KLF5: variants seen among roughly 807,000 people sequenced by gnomAD.
The protein encoded by KLF5 is Krueppel-like factor 5.
A neutral mutation model predicts 36.9 loss-of-function variants in KLF5; 9 were observed. The observed-to-expected ratio is 0.24, with a 90% CI of 0.15 to 0.43. KLF5 has a LOEUF of 0.43. Among genes scored for constraint, KLF5 ranks in the 20% least tolerant of loss-of-function variants. The pLI, the probability that KLF5 is intolerant of heterozygous loss-of-function variation, is 1.00. For synonymous variants in KLF5, 246 were observed against 241.7 expected, an observed-to-expected ratio of 1.02 and a Z score of -0.17; for missense variants, 524 against 599.5, an observed-to-expected ratio of 0.87 and a Z score of 1.31.
Position 73,062,376 on chromosome 13 carries a change from C to T in KLF5, c.777C>T (p.Ala259=). The T allele has an allele frequency of 6.2e-7, 1 of 1,614,172 alleles. No homozygotes were observed. The highest frequency in any genetic ancestry group is 2.2e-5 in the East Asian group (1 of 44,884). ...MDTLNVSMSA[A]MAGLNTHTSA... is the part of the protein sequence containing the mutation. The stretch of plus-strand genomic sequence containing the variant: ...CTCTTAATGTTTCTATGTCAGCTGC[C>T]ATGGCAGGCCTTAACACACACACCT... Residue 259 remains alanine, a synonymous_variant, in exon 2 of 4, where the codon GCC becomes GCT. Coordinates refer to ENST00000377687, the MANE Select transcript of KLF5 (RefSeq NM_001730.5).
At chr13:73,072,148 G>C (rs1159788652) in intron 3 of KLF5, among the ~76,000 whole-genome samples, 2 of 152,072 alleles carry the variant, frequency 1.3e-5, no homozygotes, top group Non-Finnish European at 2.9e-5. Flanking sequence ...AAAGGCCTTG[G>C]TATGTCTATT....
Position 73,063,808 on chromosome 13 carries a change from T to C in KLF5, c.1136-16T>C. 4.5e-6 allele frequency: 7 copies of C among 1,571,100 alleles called. No individual in the cohort carries two copies. The highest frequency in any genetic ancestry group is 6.1e-6 in the Non-Finnish European group (7 of 1,141,810). ...AAAGGATCTCCAAAATGACATGCTGTTCTCCTTTATTTTAGGTTGCACAAA... is the reference window on the plus strand; with the variant it reads ...AAAGGATCTCCAAAATGACATGCTGCTCTCCTTTATTTTAGGTTGCACAAA... On this transcript the variant is annotated splice_polypyrimidine_tract_variant and intron_variant, in intron 2 of 3. Transcript: ENST00000377687.
chr13:73,075,419 G>T (rs895371423), intron 3 of KLF5, among the ~76,000 whole-genome samples: 2 of 152,090 alleles, frequency 1.3e-5, no homozygotes, highest in Admixed American at 6.6e-5. Flanking sequence ...AAAAATAAGG[G>T]CACTGATTCG....
chr13:73,061,995 C>T lies in KLF5; in HGVS notation c.396C>T (p.Tyr132=), dbSNP rs143426593. ...QFFTDTEGLP[Y]SINMNVFLPD... is the part of the protein sequence containing the mutation. ...TCACTGACACTGAAGGGTTACCTTACAGTATCAACATGAACGTCTTCCTCC... is the reference window on the plus strand; with the variant it reads ...TCACTGACACTGAAGGGTTACCTTATAGTATCAACATGAACGTCTTCCTCC... The change falls in exon 2 of 4, where the codon TAC becomes TAT. Residue 132 remains tyrosine, a synonymous_variant. Coordinates refer to ENST00000377687, the MANE Select transcript of KLF5 (RefSeq NM_001730.5). 1.6e-5 allele frequency: 26 copies of T among 1,614,042 alleles called. No homozygotes were observed. Among genetic ancestry groups the T allele is most frequent in the Non-Finnish European group, 1.9e-5 (23 of 1,180,028 alleles).
chr13:73,070,235 C>T (rs796617006), intron 3 of KLF5, among the ~76,000 whole-genome samples: 17 of 152,042 alleles, frequency 1.1e-4, no homozygotes, highest in African/African-American at 3.6e-4. Context: ...TAAACCTTTA[C>T]GAGTTGGGAG....
rs2044642252 is a variant in KLF5, at chr13:73,062,239, A to G, written c.640A>G (p.Thr214Ala). Reference sequence around the variant, plus strand: ...TATTTTCATCAAACAAGAACTTCCTACACCAGATCTTCATCTTTCTGTCCC... The same window carrying G: ...TATTTTCATCAAACAAGAACTTCCTGCACCAGATCTTCATCTTTCTGTCCC... ...NNIFIKQELP[T>A]PDLHLSVPTQ... The change falls in exon 2 of 4, where the codon ACA becomes GCA. Residue 214 changes from threonine (T) to alanine (A), a missense_variant. Thr to Ala is a moderately conservative substitution (Grantham distance 58). Coordinates refer to ENST00000377687, the MANE Select transcript of KLF5 (RefSeq NM_001730.5). The G allele has an allele frequency of 6.2e-7, 1 of 1,613,896 alleles. No individual in the cohort carries two copies. The highest frequency in any genetic ancestry group is 1.3e-5 in the African/African-American group (1 of 74,862).
At chr13:73,068,976 G>A (rs1288651530) in intron 3 of KLF5, among the ~76,000 whole-genome samples, 1 of 151,998 alleles carries the variant, frequency 6.6e-6, no homozygotes, top group African/African-American at 2.4e-5. Context: ...CATGCCTATA[G>A]TCCCAGCTAC....
At chr13:73,072,959 TTC>T (rs1357038014) in intron 3 of KLF5, among the ~76,000 whole-genome samples, 3 of 152,244 alleles carry the variant, frequency 2.0e-5, no homozygotes, top group Non-Finnish European at 4.4e-5. Context: ...TGTCACTTTT[TTC>T]TTTTTGCCTT....
rs1285620973 is a variant in KLF5, at chr13:73,077,399, CCT to C, written c.*1516_*1517del. On this transcript the variant is annotated 3_prime_UTR_variant, in exon 4 of 4. Coordinates refer to ENST00000377687, the MANE Select transcript of KLF5 (RefSeq NM_001730.5). ...TCGGTTGCTGTTTTGCTTCTTTTTC[CCT>C]CTTATTTTTGTATTGTGGTCATTTC... 2 of 152,504 alleles carry C rather than the reference CCT, an allele frequency of 1.3e-5. No individual in the cohort carries two copies. Among genetic ancestry groups the C allele is most frequent in the Non-Finnish European group, 2.9e-5 (2 of 68,026 alleles). The allele number at this position is 152,504 out of a possible 1,614,324, so 9.4% of individuals were successfully genotyped here. A position where few individuals can be genotyped will look rare whatever the true frequency, so the allele number is the denominator to read the frequency against.
chr13:73,058,803 G>C (rs760440508), upstream of KLF5: 1 of 152,520 alleles, frequency 6.6e-6, no homozygotes, highest in Non-Finnish European at 1.5e-5. Context: ...CGGCCGCCCT[G>C]CGCGCGAAGC....
At chr13:73,062,814 TGTGC>T in intron 2 of KLF5, 80 bp downstream of exon 2, 2 of 1,237,234 alleles carry the variant, frequency 1.6e-6, no homozygotes, top group Non-Finnish European at 2.3e-6. Flanking sequence ...CGTGTGCGTG[TGTGC>T]ACGCGCGTGC....
At chr13:73,055,385 T>C (rs533816826), upstream of KLF5, among the ~76,000 whole-genome samples, 3 of 152,320 alleles carry the variant, frequency 2.0e-5, no homozygotes, top group South Asian at 2.1e-4. Flanking sequence ...TAATTTTAAT[T>C]AATATAAATA....
intron 3 of KLF5, among the ~76,000 whole-genome samples, chr13:73,066,121 A>G (rs974301148): frequency 5.3e-5 from 8 of 152,188 alleles, no homozygotes; most frequent in African/African-American, 7.2e-5. Context: ...ATAGTCTTTC[A>G]AATGCCTTGG....
Position 73,073,461 on chromosome 13 carries a change from A to T in KLF5, c.1196-2247A>T, listed in dbSNP as rs561146165. ...CCGTATTTCAAGCAATCAGTAAAGT[A>T]AACTTTAAAAAATACTGGTGCAGTT... On this transcript the variant is annotated intron_variant, in intron 3 of 3. Transcript: ENST00000377687. 3.3e-5 allele frequency among the ~76,000 whole-genome samples: 5 copies of T among 152,368 alleles called. No individual in the cohort carries two copies. The South Asian group carries it at 1.0e-3, about 32-fold the overall frequency.
At chr13:73,070,695 T>C (rs1480259747) in intron 3 of KLF5, among the ~76,000 whole-genome samples, 1 of 152,174 alleles carries the variant, frequency 6.6e-6, no homozygotes, top group Non-Finnish European at 1.5e-5. Context: ...CTTTGACCAG[T>C]GCTAGGGGCT....
chr13:73,062,802 CGCGTGTGCGTGTGT>C, intron 2 of KLF5, 68 bp downstream of exon 2: 1 of 1,394,526 alleles, frequency 7.2e-7, no homozygotes, highest in Non-Finnish European at 9.8e-7. Flanking sequence ...TGTGTGCGCG[CGCGTGTGCGTGTGT>C]GCACGCGCGT....
intron 3 of KLF5, among the ~76,000 whole-genome samples, chr13:73,071,420 T>C (rs1325841337): frequency 2.0e-5 from 3 of 152,208 alleles, no homozygotes; most frequent in Non-Finnish European, 4.4e-5. Context: ...TACTAATCTT[T>C]GATATGGACC....
At chr13:73,071,517 T>G (rs2139115982) in intron 3 of KLF5, among the ~76,000 whole-genome samples, 1 of 152,260 alleles carries the variant, frequency 6.6e-6, no homozygotes, top group Non-Finnish European at 1.5e-5. Context: ...CGTAAAAATA[T>G]GAATTAGTGA....
At chr13:73,059,790 G>T in intron 1 of KLF5, 1 of 744,828 alleles carries the variant, frequency 1.3e-6, no homozygotes, top group Non-Finnish European at 1.6e-6. Flanking sequence ...GGGGGGCCGG[G>T]GGTGGGAAGG....
Sources: gnomAD v4.1 joint callset for allele counts (sites outside exome capture counted in the v4.1 genomes callset) on GRCh38, gnomAD v4.1.1 for gene constraint, MANE v1.5 for transcripts, NCBI Gene and HGNC (gene_info 2026-07-23, HGNC 2026-07-21) for gene names.